NAPEPLD: variants seen among roughly 807,000 people sequenced by gnomAD.
NAPEPLD encodes the protein N-acyl-phosphatidylethanolamine-hydrolyzing phospholipase D.
Under a neutral mutation model 38.1 loss-of-function variants are expected in NAPEPLD, and 23 were observed. The observed-to-expected ratio is 0.60, with a 90% CI of 0.43 to 0.86. The LOEUF (loss-of-function observed/expected upper bound fraction) is 0.86, where lower values mean the gene tolerates loss of function less well. Among genes scored for constraint, NAPEPLD ranks in the 40% least tolerant of loss-of-function variants. The pLI is 0.00. For synonymous variants in NAPEPLD, 147 were observed against 162.0 expected (o/e 0.91, Z 0.71); for missense variants, 411 against 476.8 (o/e 0.86, Z 1.28).
At chr7:103,138,800 CATT>C (rs1322224593) in intron 1 of NAPEPLD, among the ~76,000 whole-genome samples, 2 of 152,226 alleles carry the variant, frequency 1.3e-5, no homozygotes, top group Admixed American at 6.5e-5. Flanking sequence ...CACTTAACAT[CATT>C]GAGACTCACT....
chr7:103,140,517 C>A (rs565702257), intron 1 of NAPEPLD, among the ~76,000 whole-genome samples: 2 of 151,788 alleles, frequency 1.3e-5, no homozygotes, highest in African/African-American at 4.8e-5. Context: ...CTCAGCCTCC[C>A]AAGTGGCTGG....
chr7:103,124,373 G>A (rs186635090), intron 2 of NAPEPLD, among the ~76,000 whole-genome samples: 13 of 152,072 alleles, frequency 8.5e-5, no homozygotes, highest in African/African-American at 2.4e-4. Flanking sequence ...CAGGAGAACC[G>A]CTTGAACCCA....
chr7:103,146,328 G>A (rs952217899), intron 1 of NAPEPLD, among the ~76,000 whole-genome samples: 1 of 150,496 alleles, frequency 6.6e-6, no homozygotes, highest in Non-Finnish European at 1.5e-5. Flanking sequence ...TTGGGTGACA[G>A]AGCGAGACTC....
intron 1 of NAPEPLD, among the ~76,000 whole-genome samples, chr7:103,135,756 T>C (rs1809907112): frequency 6.6e-6 from 1 of 152,026 alleles, no homozygotes; most frequent in Non-Finnish European, 1.5e-5. Context: ...TATATATATA[T>C]ATATCACCAA....
chr7:103,114,921 A>C, intron 4 of NAPEPLD, 139 bp downstream of exon 4: 1 of 615,792 alleles, frequency 1.6e-6, no homozygotes, highest in East Asian at 2.8e-5. Flanking sequence ...ATGATTTACC[A>C]CCCTAATTCA....
chr7:103,104,397 T>G (rs1474695740), intron 4 of NAPEPLD, among the ~76,000 whole-genome samples: 3 of 152,294 alleles, frequency 2.0e-5, no homozygotes, highest in East Asian at 3.9e-4. Context: ...TGGACTGACT[T>G]CTACGGCACG....
In NAPEPLD at chr7:103,102,005, C is replaced by CT. The variant is rs1401835143; in HGVS notation, c.*1423_*1424insA. 9 of 136,306 alleles carry CT rather than the reference C, an allele frequency of 6.6e-5. No individual in the cohort carries two copies. The highest frequency in any genetic ancestry group is 4.8e-5 in the Non-Finnish European group (3 of 63,012). 8.4% of individuals were successfully genotyped at this position (136,306 alleles called of 1,614,324 possible). A position where few individuals can be genotyped will look rare whatever the true frequency, so the allele number is the denominator to read the frequency against. On this transcript the variant is annotated 3_prime_UTR_variant, in exon 5 of 5. Coordinates refer to ENST00000465647, the MANE Select transcript of NAPEPLD (RefSeq NM_001122838.3). ...AAATCTTATGTCAACTGACTCCCCC[C>CT]CCGCCCCCCAACCACTGGCATTCAT...
Position 103,100,354 on chromosome 7 carries a change from CTG to C in NAPEPLD, c.*3073_*3074del, listed in dbSNP as rs1393573972. Reference sequence around the variant, plus strand: ...GCTTTAGCAGCAGTAGATTCTAAAACTGTGTCTTCTTGTCCTCTCATTAGTTT... The same window carrying C: ...GCTTTAGCAGCAGTAGATTCTAAAACTGTCTTCTTGTCCTCTCATTAGTTT... On this transcript the variant is annotated 3_prime_UTR_variant, in exon 5 of 5. Transcript: ENST00000465647. 1 of 152,206 alleles carries C rather than the reference CTG, an allele frequency of 6.6e-6. No homozygotes were observed. The highest frequency in any genetic ancestry group is 2.1e-4 in the South Asian group (1 of 4,828). 9.4% of individuals were successfully genotyped at this position (152,206 alleles called of 1,614,324 possible).
chr7:103,128,405 T>G, intron 2 of NAPEPLD, 78 bp downstream of exon 2: 11 of 1,509,418 alleles, frequency 7.3e-6, no homozygotes, highest in Non-Finnish European at 9.1e-6. Context: ...CTATGCCTTA[T>G]GATATACAAG....
intron 1 of NAPEPLD, among the ~76,000 whole-genome samples, chr7:103,133,833 T>TA (rs1462388081): frequency 6.6e-6 from 1 of 152,212 alleles, no homozygotes; most frequent in Non-Finnish European, 1.5e-5. Flanking sequence ...TGTACATGAA[T>TA]ACACAAAAAC....
rs1478374097 is a variant in NAPEPLD at position 103,115,057 on chromosome 7, T to TA, written c.1056+2dup. On this transcript the variant is annotated splice_region_variant and intron_variant, in intron 4 of 4. Coordinates refer to ENST00000465647, the MANE Select transcript of NAPEPLD (RefSeq NM_001122838.3). ...AAGTTATTTTTATCGCAATCAAACT[T>TA]ACCTCATTTGCTAAGGCAAAAGTTC... 3.1e-6 allele frequency: 5 copies of TA among 1,606,610 alleles called. No individual in the cohort carries two copies. In the Admixed American group the frequency reaches 8.4e-5, roughly 27 times the overall value.
chr7:103,103,701 A>C, intron 4 of NAPEPLD, 147 bp from the exon 5 acceptor site: 1 of 775,712 alleles, frequency 1.3e-6, no homozygotes, highest in Non-Finnish European at 2.0e-6. Flanking sequence ...AAATGGGTCT[A>C]TCACATTTTC....
intron 1 of NAPEPLD, among the ~76,000 whole-genome samples, chr7:103,143,681 C>T (rs1811951456): frequency 6.6e-6 from 1 of 152,180 alleles, no homozygotes; most frequent in South Asian, 2.1e-4. Flanking sequence ...CAGGGCCCAC[C>T]ATACCAAGCC....
intron 2 of NAPEPLD, among the ~76,000 whole-genome samples, chr7:103,124,916 AT>A (rs1210877972): frequency 6.6e-5 from 10 of 152,226 alleles, no homozygotes; most frequent in African/African-American, 2.4e-4. Flanking sequence ...TGCTCCTTCG[AT>A]GGCATAAATA....
Position 103,100,979 on chromosome 7 carries a change from A to G in NAPEPLD, c.*2450T>C, listed in dbSNP as rs1296534476. 6.6e-6 allele frequency: 1 copy of G among 152,230 alleles called. No individual in the cohort carries two copies. Among genetic ancestry groups the G allele is most frequent in the Admixed American group, 6.5e-5 (1 of 15,282 alleles). The allele number at this position is 152,230 out of a possible 1,614,324, so 9.4% of individuals were successfully genotyped here. ...GAGTGGAAATAGAACACAACAGTTT[A>G]AAGTGCTTTGAGACCCTCAGTTAAA... is the stretch of plus-strand genomic sequence containing the variant. On this transcript the variant is annotated 3_prime_UTR_variant, in exon 5 of 5. Coordinates refer to ENST00000465647, the MANE Select transcript of NAPEPLD (RefSeq NM_001122838.3).
chr7:103,149,337 G>C, upstream of NAPEPLD: 1 of 1,138,566 alleles, frequency 8.8e-7, no homozygotes, highest in Non-Finnish European at 1.1e-6. Flanking sequence ...TCCGGCCACA[G>C]AGTCCCCGCG....
intron 2 of NAPEPLD, among the ~76,000 whole-genome samples, chr7:103,124,907 G>T (rs1242975993): frequency 6.6e-6 from 1 of 152,150 alleles, no homozygotes; most frequent in African/African-American, 2.4e-5. Context: ...ACTAAGCCAT[G>T]CTCCTTCGAT....
chr7:103,147,970 C>G, intron 1 of NAPEPLD: 1 of 980,584 alleles, frequency 1.0e-6, no homozygotes, highest in Non-Finnish European at 1.2e-6. Context: ...CCCTAAATTT[C>G]TTCTTTAACA....
At position 103,120,109 on chromosome 7, in the gene NAPEPLD, CCATTACCGTGGCA is replaced by C; in HGVS notation, c.396_408del (p.His132GlnfsTer37). On this transcript the variant is annotated frameshift_variant, in exon 3 of 5. Transcript: ENST00000465647. LOFTEE classifies it high-confidence loss of function. ...AGAAATATGAGCTCATCCATTTCCA[CCATTACCGTGGCA>C]TGTCCCAGCCATGTGACTCTTAAGC... The C allele has an allele frequency of 6.2e-7, 1 of 1,614,188 alleles. No homozygotes were observed. Among genetic ancestry groups the C allele is most frequent in the Non-Finnish European group, 8.5e-7 (1 of 1,180,044 alleles).
Sources: gnomAD v4.1 joint callset for allele counts (sites outside exome capture counted in the v4.1 genomes callset) on GRCh38, gnomAD v4.1.1 for gene constraint, MANE v1.5 for transcripts, NCBI Gene and HGNC (gene_info 2026-07-23, HGNC 2026-07-21) for gene names.